Variants in CPNE8 observed in about 807,000 individuals in gnomAD.
CPNE8 encodes the protein copine-8.
CPNE8 carries 45 observed loss-of-function variants against 81.5 expected under a neutral mutation model. That is an observed-to-expected ratio of 0.55 (90% CI 0.44 to 0.71). The LOEUF is 0.71. Ranked by LOEUF, CPNE8 falls within the 30% of genes least tolerant of loss-of-function variation. The pLI is 0.00. For missense variants in CPNE8, 594 were observed against 672.1 expected (o/e 0.88, Z 1.28); for synonymous variants, 252 against 226.3 (o/e 1.11, Z -1.02).
At chr12:38,674,192 C>T (rs549643114) in intron 18 of CPNE8, among the ~76,000 whole-genome samples, 1 of 152,074 alleles carries the variant, frequency 6.6e-6, no homozygotes, top group East Asian at 1.9e-4. Context: ...AACGGCTGTG[C>T]CTGCTGCTCT....
chr12:38,751,570 G>C (rs1263134461), intron 10 of CPNE8, among the ~76,000 whole-genome samples: 1 of 152,166 alleles, frequency 6.6e-6, no homozygotes, highest in South Asian at 2.1e-4. Context: ...TGTTGAGTTA[G>C]AAAGCTAGGA....
intron 3 of CPNE8, among the ~76,000 whole-genome samples, chr12:38,857,286 A>G (rs1054924523): frequency 2.6e-5 from 4 of 152,192 alleles, no homozygotes; most frequent in African/African-American, 7.2e-5. Flanking sequence ...TTCATATTTT[A>G]TTTTGTAATA....
At position 38,653,792 on chromosome 12, in the gene CPNE8, C is replaced by T. The variant is rs1938758114; in HGVS notation, c.*90G>A. The T allele has an allele frequency of 3.4e-6, 5 of 1,463,082 alleles. No homozygotes were observed. The highest frequency in any genetic ancestry group is 2.6e-5 in the East Asian group (1 of 37,874). The allele number at this position is 1,463,082 out of a possible 1,614,324, so 90.6% of individuals were successfully genotyped here. On this transcript the variant is annotated 3_prime_UTR_variant, in exon 20 of 20. Transcript: ENST00000331366. ...GCTGAAACCAAACTGAGAAAACTAT[C>T]TCATTGCCTGGTTCATTACAGAGCA...
At chr12:38,793,994 G>A (rs1041029748) in intron 6 of CPNE8, among the ~76,000 whole-genome samples, 11 of 152,010 alleles carry the variant, frequency 7.2e-5, no homozygotes, top group African/African-American at 2.4e-4. Context: ...AATAAAAGGT[G>A]GTGGGAAAAC....
intron 3 of CPNE8, among the ~76,000 whole-genome samples, chr12:38,849,659 G>A (rs994996642): frequency 1.3e-5 from 2 of 152,100 alleles, no homozygotes; most frequent in African/African-American, 4.8e-5. Flanking sequence ...ACTTCCAATG[G>A]ATCACTCCCA....
chr12:38,855,609 G>C (rs919767198), intron 3 of CPNE8, among the ~76,000 whole-genome samples: 13 of 152,022 alleles, frequency 8.6e-5, no homozygotes, highest in Non-Finnish European at 1.6e-4. Flanking sequence ...TGATCAAAGT[G>C]TACAAAATTT....
intron 10 of CPNE8, among the ~76,000 whole-genome samples, chr12:38,749,940 T>A (rs1405431417): frequency 1.3e-5 from 2 of 152,138 alleles, no homozygotes; most frequent in Non-Finnish European, 2.9e-5. Flanking sequence ...GGGGAAAATG[T>A]TTCCAGGGCA....
chr12:38,708,827 T>A (rs1042115257), intron 13 of CPNE8, among the ~76,000 whole-genome samples: 1 of 152,214 alleles, frequency 6.6e-6, no homozygotes, highest in African/African-American at 2.4e-5. Flanking sequence ...CCATCTTACA[T>A]GTGTTTTCTA....
At chr12:38,864,505 G>C (rs1943888306) in intron 3 of CPNE8, among the ~76,000 whole-genome samples, 1 of 152,018 alleles carries the variant, frequency 6.6e-6, no homozygotes, top group Admixed American at 6.5e-5. Context: ...ATCAGCACTA[G>C]TTATTAAAAC....
intron 16 of CPNE8, 34 bp downstream of exon 16, chr12:38,685,456 A>G: frequency 1.9e-6 from 3 of 1,604,772 alleles, no homozygotes; most frequent in African/African-American, 1.3e-5. Context: ...GTTCCAGTAC[A>G]TCAGAATAAG....
chr12:38,816,763 C>T (rs1397341620), intron 6 of CPNE8, among the ~76,000 whole-genome samples: 1 of 152,178 alleles, frequency 6.6e-6, no homozygotes, highest in East Asian at 1.9e-4. Context: ...TACTAAACTG[C>T]TGTCCATGTT....
chr12:38,825,783 T>C (rs999106139), intron 6 of CPNE8, among the ~76,000 whole-genome samples: 1 of 152,214 alleles, frequency 6.6e-6, no homozygotes, highest in Non-Finnish European at 1.5e-5. Flanking sequence ...AAAATGTTTT[T>C]TCCAGTCCAT....
intron 19 of CPNE8, among the ~76,000 whole-genome samples, chr12:38,664,515 C>G (rs1157952376): frequency 6.6e-6 from 1 of 152,050 alleles, no homozygotes; most frequent in Admixed American, 6.6e-5. Flanking sequence ...TTATCTCTTT[C>G]AAATTTGAGT....
chr12:38,805,431 T>TA (rs1466637730), intron 6 of CPNE8, among the ~76,000 whole-genome samples: 1 of 69,994 alleles, frequency 1.4e-5, no homozygotes, highest in Non-Finnish European at 2.9e-5. Flanking sequence ...AAACACCGCA[T>TA]ATTCTCACTC....
At chr12:38,772,506 C>A (rs765841872) in intron 7 of CPNE8, among the ~76,000 whole-genome samples, 19 of 152,146 alleles carry the variant, frequency 1.2e-4, no homozygotes, top group Non-Finnish European at 1.3e-4. Context: ...GACCAACACA[C>A]ATATGAAAGG....
intron 1 of CPNE8, among the ~76,000 whole-genome samples, chr12:38,879,319 C>CT (rs138490857): frequency 5.3e-4 from 78 of 148,566 alleles, no homozygotes; most frequent in South Asian, 1.9e-3. Flanking sequence ...TCTGTTTCCC[C>CT]TTTTTTTTTT....
chr12:38,902,139 G>A (rs1325443343), intron 1 of CPNE8, among the ~76,000 whole-genome samples: 3 of 146,780 alleles, frequency 2.0e-5, no homozygotes, highest in African/African-American at 7.6e-5. Context: ...GTGAAAGGAG[G>A]TGAAAGAAAG....
intron 6 of CPNE8, among the ~76,000 whole-genome samples, chr12:38,789,341 T>C (rs960328471): frequency 5.9e-5 from 9 of 151,542 alleles, no homozygotes; most frequent in Non-Finnish European, 1.2e-4. Context: ...GCCAAAAACA[T>C]ATACTGGGGA....
At chr12:38,788,032 A>T (rs1942236616) in intron 6 of CPNE8, among the ~76,000 whole-genome samples, 1 of 151,126 alleles carries the variant, frequency 6.6e-6, no homozygotes, top group East Asian at 1.9e-4. Flanking sequence ...TCCACCAAAC[A>T]CTTAAAGAAA....
Sources: gnomAD v4.1 joint callset for allele counts (sites outside exome capture counted in the v4.1 genomes callset) on GRCh38, gnomAD v4.1.1 for gene constraint, MANE v1.5 for transcripts, NCBI Gene and HGNC (gene_info 2026-07-23, HGNC 2026-07-21) for gene names.